The following SHANK2 variants were observed in gnomAD, a reference collection of about 807,000 sequenced individuals.
SHANK2 encodes SH3 and multiple ankyrin repeat domains protein 2.
SHANK2 carries 43 observed loss-of-function variants against 133.7 expected under a neutral mutation model. That is an observed-to-expected ratio of 0.32 (90% confidence interval 0.25 to 0.41). The LOEUF (loss-of-function observed/expected upper bound fraction) is 0.41. Ranked by LOEUF, SHANK2 falls within the 10% of genes least tolerant of loss-of-function variation. The pLI, the probability that SHANK2 is intolerant of heterozygous loss-of-function variation, is 1.00. For synonymous variants in SHANK2, 1,017 were observed against 952.8 expected (o/e 1.07, Z -1.24); for missense variants, 1,994 against 2,235.8 (o/e 0.89, Z 2.18).
At chr11:70,525,183 C>T (rs1017287290) in intron 17 of SHANK2, among the ~76,000 whole-genome samples, 3 of 152,246 alleles carry the variant, frequency 2.0e-5, no homozygotes, top group Admixed American at 6.5e-5. Flanking sequence ...GTGCAGGCCT[C>T]GAGGACTTGG....
At chr11:70,925,577 T>C (rs968623835) in intron 10 of SHANK2, among the ~76,000 whole-genome samples, 1 of 152,244 alleles carries the variant, frequency 6.6e-6, no homozygotes, top group African/African-American at 2.4e-5. Context: ...GCTTCATGCT[T>C]GTGTTAGGTT....
chr11:70,883,595 C>T (rs1555072811), intron 11 of SHANK2, among the ~76,000 whole-genome samples: 2 of 152,282 alleles, frequency 1.3e-5, no homozygotes, highest in African/African-American at 4.8e-5. Context: ...AGAGGCCACA[C>T]AGGACTCCGG....
At chr11:70,480,254 G>C (rs1314558416) in intron 25 of SHANK2, among the ~76,000 whole-genome samples, 5 of 152,160 alleles carry the variant, frequency 3.3e-5, no homozygotes, top group African/African-American at 1.2e-4. Context: ...CTCCACTCCT[G>C]GTTTTCTGCA....
chr11:70,849,301 A>T (rs988674122), intron 11 of SHANK2, among the ~76,000 whole-genome samples: 2 of 152,196 alleles, frequency 1.3e-5, no homozygotes, highest in African/African-American at 4.8e-5. Flanking sequence ...ATGTATACAC[A>T]TGCATGCATG....
chr11:71,171,385 G>C (rs768889445), intron 2 of SHANK2, among the ~76,000 whole-genome samples: 3 of 152,210 alleles, frequency 2.0e-5, no homozygotes, highest in African/African-American at 7.2e-5. Flanking sequence ...CAGAGCACCC[G>C]AGGGGAAGCG....
chr11:70,753,473 G>A (rs1029424677), intron 14 of SHANK2, among the ~76,000 whole-genome samples: 1 of 152,152 alleles, frequency 6.6e-6, no homozygotes, highest in Admixed American at 6.5e-5. Flanking sequence ...CATGGAGAAG[G>A]AAGCAAATAA....
chr11:70,874,727 G>T (rs1001376819), intron 11 of SHANK2, among the ~76,000 whole-genome samples: 1 of 146,698 alleles, frequency 6.8e-6, no homozygotes, highest in East Asian at 2.0e-4. Context: ...ATCCACTGCC[G>T]TTTCAAATTT....
intron 7 of SHANK2, among the ~76,000 whole-genome samples, chr11:71,093,082 A>G (rs1416839823): frequency 6.7e-6 from 1 of 150,260 alleles, no homozygotes; most frequent in East Asian, 2.0e-4. Flanking sequence ...ACTTTAGACA[A>G]CTACATTTCT....
chr11:70,486,100 G>T lies in SHANK2; in HGVS notation c.4193C>A (p.Ser1398Tyr), dbSNP rs2058799625. 2 of 1,613,956 alleles carry T rather than the reference G, an allele frequency of 1.2e-6. No individual in the cohort carries two copies. Among genetic ancestry groups the T allele is most frequent in the African/African-American group, 1.3e-5 (1 of 74,918 alleles). The change falls in exon 25 of 26, where the codon TCC becomes TAC. Residue 1398 changes from serine (S) to tyrosine (Y), a missense_variant. Ser to Tyr is a moderately radical substitution (Grantham distance 144, BLOSUM62 -2). Around this residue, in one of 5 missense-constraint regions of SHANK2, gnomAD observed 797 missense variants for 907.4 expected, o/e 0.88. Coordinates refer to ENST00000601538, the MANE Select transcript of SHANK2 (RefSeq NM_012309.5). The surrounding 1 kb of genome is among the most constrained non-coding windows in gnomAD (Gnocchi z 8.0). The stretch of plus-strand genomic sequence containing the variant: ...AATAAAATCCTCATCCAAGTCCACG[G>T]ATGCCAGAGGGGGAGGAGGGATGCG... Reference protein sequence around the residue: ...PFRIPPPPLASVDLDEDFIFT... With the variant: ...PFRIPPPPLAYVDLDEDFIFT...
intron 11 of SHANK2, among the ~76,000 whole-genome samples, chr11:70,867,879 A>G (rs951553870): frequency 3.9e-5 from 6 of 151,954 alleles, no homozygotes; most frequent in African/African-American, 1.2e-4. Context: ...CCGCCCATCC[A>G]TCTCTGGGCT....
intron 14 of SHANK2, among the ~76,000 whole-genome samples, chr11:70,724,415 T>G (rs1946135724): frequency 6.6e-6 from 1 of 152,152 alleles, no homozygotes; most frequent in African/African-American, 2.4e-5. Context: ...GGGGTGTGTG[T>G]GTATGCATGT....
chr11:71,091,830 G>T (rs2135108411), intron 8 of SHANK2, among the ~76,000 whole-genome samples: 1 of 152,282 alleles, frequency 6.6e-6, no homozygotes, highest in South Asian at 2.1e-4. Flanking sequence ...GGCTCCCCAA[G>T]ACTGCTCTTC....
At chr11:71,114,856 C>T (rs868926070) in intron 4 of SHANK2, among the ~76,000 whole-genome samples, 5 of 152,236 alleles carry the variant, frequency 3.3e-5, no homozygotes, top group African/African-American at 7.2e-5. Context: ...TTCAATTCCA[C>T]GGGGCCCCTT....
intron 14 of SHANK2, among the ~76,000 whole-genome samples, chr11:70,794,412 A>C (rs1469455355): frequency 6.6e-6 from 1 of 152,188 alleles, no homozygotes; most frequent in African/African-American, 2.4e-5. Context: ...AAATCCAGTG[A>C]TAGGCAAAAT....
chr11:70,601,298 C>A (rs1431837755), intron 17 of SHANK2, among the ~76,000 whole-genome samples: 1 of 151,794 alleles, frequency 6.6e-6, no homozygotes, highest in Non-Finnish European at 1.5e-5. Flanking sequence ...CGGCTCACTG[C>A]AACCTTTGCC....
intron 14 of SHANK2, among the ~76,000 whole-genome samples, chr11:70,790,732 G>C (rs1947769785): frequency 6.6e-6 from 1 of 152,184 alleles, no homozygotes; most frequent in Non-Finnish European, 1.5e-5. Context: ...TACTGGTTCT[G>C]TTTCTCTGGA....
intron 15 of SHANK2, among the ~76,000 whole-genome samples, chr11:70,680,143 C>T (rs1039971862): frequency 5.3e-5 from 8 of 152,132 alleles, no homozygotes; most frequent in Non-Finnish European, 1.0e-4. Flanking sequence ...GTGGGGCCAT[C>T]GCACCCCATC....
chr11:70,581,713 A>T (rs1224341110), intron 17 of SHANK2, among the ~76,000 whole-genome samples: 1 of 151,972 alleles, frequency 6.6e-6, no homozygotes, highest in Non-Finnish European at 1.5e-5. Flanking sequence ...TCAATCAATC[A>T]AGCTAGCTAG....
chr11:70,867,671 A>T (rs1395404526), intron 11 of SHANK2, among the ~76,000 whole-genome samples: 1 of 152,242 alleles, frequency 6.6e-6, no homozygotes, highest in Non-Finnish European at 1.5e-5. Flanking sequence ...AGAGCCAGCC[A>T]GACATCCACG....
Sources: gnomAD v4.1 joint callset for allele counts (sites outside exome capture counted in the v4.1 genomes callset) on GRCh38, gnomAD v4.1.1 for gene constraint, gnomAD v4.1.1 regional missense constraint, Gnocchi (gnomAD v3.1) non-coding constraint, MANE v1.5 for transcripts, NCBI Gene and HGNC (gene_info 2026-07-23, HGNC 2026-07-21) for gene names.